Variants in CDK14 observed in about 807,000 individuals in gnomAD.
The protein encoded by CDK14 is cyclin-dependent kinase 14.
Under a neutral mutation model 60.7 loss-of-function variants are expected in CDK14, and 34 were observed. The ratio of observed to expected loss-of-function variants is 0.56; its 90% confidence interval spans 0.43 to 0.75. The LOEUF (loss-of-function observed/expected upper bound fraction) is 0.75. CDK14 is among the 30% of genes least tolerant of loss of function. CDK14 has a pLI of 0.00. For synonymous variants in CDK14, 197 were observed against 203.7 expected (o/e 0.97, Z 0.28); for missense variants, 482 against 564.1 (o/e 0.85, Z 1.47).
intron 14 of CDK14, among the ~76,000 whole-genome samples, chr7:91,130,228 G>A (rs1284459062): frequency 6.6e-6 from 1 of 152,012 alleles, no homozygotes; most frequent in African/African-American, 2.4e-5. Context: ...CTTCTATCCA[G>A]CCACTCATTG....
chr7:90,812,119 A>G (rs926853665), intron 5 of CDK14, among the ~76,000 whole-genome samples: 2 of 152,250 alleles, frequency 1.3e-5, no homozygotes, highest in Non-Finnish European at 2.9e-5. Context: ...ATTACTGGGT[A>G]TATACCCAAA....
chr7:90,870,052 C>G (rs948416960), intron 6 of CDK14, among the ~76,000 whole-genome samples: 1 of 152,188 alleles, frequency 6.6e-6, no homozygotes, highest in Admixed American at 6.5e-5. Flanking sequence ...GAGTATCTAG[C>G]ATTTTGGCTA....
intron 12 of CDK14, among the ~76,000 whole-genome samples, chr7:91,090,514 A>G (rs1798770607): frequency 6.6e-6 from 1 of 152,158 alleles, no homozygotes; most frequent in Non-Finnish European, 1.5e-5. Context: ...ACATGTGGCT[A>G]GAGACTACCA....
intron 2 of CDK14, among the ~76,000 whole-genome samples, chr7:90,687,328 A>T (rs759766239): frequency 8.5e-5 from 13 of 152,212 alleles, no homozygotes; most frequent in African/African-American, 3.1e-4. Flanking sequence ...TTAAGGGTCT[A>T]TTTAGGGCTG....
At chr7:91,137,994 C>G (rs1307729982) in intron 14 of CDK14, among the ~76,000 whole-genome samples, 1 of 152,136 alleles carries the variant, frequency 6.6e-6, no homozygotes, top group African/African-American at 2.4e-5. Context: ...CAAGCTTAAA[C>G]TAAACAGATG....
In CDK14 at chr7:91,207,229, G is replaced by A. The variant is rs1417309299; in HGVS notation, c.*93G>A. On this transcript the variant is annotated 3_prime_UTR_variant, in exon 15 of 15. Coordinates refer to ENST00000380050, the MANE Select transcript of CDK14 (RefSeq NM_001287135.2). ...TAATGAAGAGGCCAATAATATGAAG[G>A]GAATCATGGATCAGTTTTCTTTCGC... 6.6e-6 allele frequency: 1 copy of A among 151,654 alleles called. No homozygotes were observed. Among genetic ancestry groups the A allele is most frequent in the Non-Finnish European group, 1.5e-5 (1 of 67,918 alleles). The allele number at this position is 151,654 out of a possible 1,614,324, so 9.4% of individuals were successfully genotyped here.
intron 2 of CDK14, among the ~76,000 whole-genome samples, chr7:90,638,904 T>G (rs1563025490): frequency 6.6e-6 from 1 of 151,934 alleles, no homozygotes; most frequent in South Asian, 2.1e-4. Flanking sequence ...CTGGTACCCT[T>G]TCTTCCAGTT....
intron 5 of CDK14, among the ~76,000 whole-genome samples, chr7:90,800,932 C>T (rs1788610204): frequency 1.3e-5 from 2 of 152,182 alleles, no homozygotes; most frequent in African/African-American, 4.8e-5. Context: ...ATCTCTGCCT[C>T]CATCTTCACA....
At chr7:91,119,319 A>G (rs1229201160) in intron 14 of CDK14, among the ~76,000 whole-genome samples, 1 of 152,082 alleles carries the variant, frequency 6.6e-6, no homozygotes, top group Non-Finnish European at 1.5e-5. Flanking sequence ...TATCTCTACA[A>G]AAAATACAAA....
At position 91,062,741 on chromosome 7, in the gene CDK14, A is replaced by G. The variant is rs74534660; in HGVS notation, c.1106-16691A>G. ...ACAAAGCCGAAGCTCAGTGAGGAAA[A>G]TACTGTTTCATGACACAAAAACAAA... On this transcript the variant is annotated intron_variant, in intron 11 of 14. Transcript: ENST00000380050. Among the ~76,000 whole-genome samples, 252 of 151,556 alleles carry G rather than the reference A, an allele frequency of 1.7e-3. 3 individuals carry two copies. The East Asian group carries it at 0.044, about 26-fold the overall frequency.
At chr7:91,166,316 C>T (rs773828465) in intron 14 of CDK14, among the ~76,000 whole-genome samples, 10 of 152,160 alleles carry the variant, frequency 6.6e-5, no homozygotes, top group Non-Finnish European at 1.3e-4. Flanking sequence ...AATATCATCC[C>T]AGTGGACCTG....
At chr7:90,711,900 T>TTTTTTTTTTG (rs1563053395) in intron 2 of CDK14, among the ~76,000 whole-genome samples, 1 of 150,910 alleles carries the variant, frequency 6.6e-6, no homozygotes, top group African/African-American at 2.4e-5. Flanking sequence ...TTTTTTTTTT[T>TTTTTTTTTTG]TCAATTGAGC....
chr7:91,011,731 T>C (rs928484367), intron 10 of CDK14, among the ~76,000 whole-genome samples: 1 of 152,172 alleles, frequency 6.6e-6, no homozygotes, highest in African/African-American at 2.4e-5. Flanking sequence ...TAATGTATCA[T>C]TAATCTCATT....
At chr7:90,770,256 A>G (rs1487874936) in intron 4 of CDK14, among the ~76,000 whole-genome samples, 1 of 152,240 alleles carries the variant, frequency 6.6e-6, no homozygotes, top group African/African-American at 2.4e-5. Context: ...ATTACAATGA[A>G]GATTTGCTAC....
At chr7:90,830,239 G>A (rs1257972059) in intron 5 of CDK14, among the ~76,000 whole-genome samples, 1 of 152,166 alleles carries the variant, frequency 6.6e-6, no homozygotes. Flanking sequence ...TGAAATCTAG[G>A]TGGAGGTTTC....
At chr7:91,108,848 CAA>C (rs1799389512) in intron 12 of CDK14, among the ~76,000 whole-genome samples, 1 of 152,008 alleles carries the variant, frequency 6.6e-6, no homozygotes, top group Admixed American at 6.5e-5. Context: ...GTCTCCAGAC[CAA>C]AAAAGTCTTA....
intron 2 of CDK14, among the ~76,000 whole-genome samples, chr7:90,614,999 G>A (rs1020876770): frequency 7.9e-5 from 12 of 151,944 alleles, no homozygotes; most frequent in Admixed American, 3.3e-4. Context: ...TGCAAGTATG[G>A]CATGTCTTAT....
At chr7:90,710,083 T>G in intron 2 of CDK14, 1 of 936,406 alleles carries the variant, frequency 1.1e-6, no homozygotes, top group Non-Finnish European at 1.3e-6. Context: ...TTTTACTCAC[T>G]TCCTTCTATT....
chr7:91,072,165 A>G (rs1798167072), intron 11 of CDK14, among the ~76,000 whole-genome samples: 1 of 152,168 alleles, frequency 6.6e-6, no homozygotes, highest in Non-Finnish European at 1.5e-5. Context: ...CCAAGGGACA[A>G]CCAAAGTGCT....
Sources: gnomAD v4.1 joint callset for allele counts (sites outside exome capture counted in the v4.1 genomes callset) on GRCh38, gnomAD v4.1.1 for gene constraint, MANE v1.5 for transcripts, NCBI Gene and HGNC (gene_info 2026-07-23, HGNC 2026-07-21) for gene names.